NOL4L: variants seen among roughly 807,000 people sequenced by gnomAD.
NOL4L encodes the protein nucleolar protein 4-like.
Under a neutral mutation model 64.5 loss-of-function variants are expected in NOL4L, and 7 were observed. The ratio of observed to expected loss-of-function variants is 0.11; its 90% CI spans 0.06 to 0.20. The LOEUF (loss-of-function observed/expected upper bound fraction) is 0.20. Ranked by LOEUF, NOL4L falls within the 10% of genes least tolerant of loss-of-function variation. The pLI is 1.00. For missense variants in NOL4L, 680 were observed against 967.1 expected, an observed-to-expected ratio of 0.70 and a Z score of 3.94; for synonymous variants, 413 against 401.0, an observed-to-expected ratio of 1.03 and a Z score of -0.36.
At chr20:32,548,686 T>A in intron 1 of NOL4L, 1 of 325,434 alleles carries the variant, frequency 3.1e-6, no homozygotes, top group Non-Finnish European at 6.1e-6. Flanking sequence ...GCAGTCTGTA[T>A]CATCTCCAAA....
At chr20:32,498,321 G>A (rs1048944947) in intron 4 of NOL4L, among the ~76,000 whole-genome samples, 1 of 151,798 alleles carries the variant, frequency 6.6e-6, no homozygotes, top group Non-Finnish European at 1.5e-5. Flanking sequence ...TTTCTAGAAA[G>A]CACCCCAGGA....
intron 4 of NOL4L, among the ~76,000 whole-genome samples, chr20:32,479,911 T>G (rs1011653252): frequency 6.6e-6 from 1 of 152,186 alleles, no homozygotes; most frequent in African/African-American, 2.4e-5. Flanking sequence ...GCTCTTATCT[T>G]CAGTCCAAAA....
At chr20:32,507,348 C>A (rs1344310710) in intron 4 of NOL4L, among the ~76,000 whole-genome samples, 1 of 152,184 alleles carries the variant, frequency 6.6e-6, no homozygotes, top group Non-Finnish European at 1.5e-5. Flanking sequence ...TGGAGTCTAA[C>A]CCCCATAGCG....
At chr20:32,579,682 G>T (rs1452457009) in intron 1 of NOL4L, among the ~76,000 whole-genome samples, 2 of 152,104 alleles carry the variant, frequency 1.3e-5, no homozygotes, top group Non-Finnish European at 2.9e-5. Context: ...TAGAGGGGAG[G>T]CCCCAGGAAG....
chr20:32,558,000 C>T (rs1235903863), intron 1 of NOL4L, among the ~76,000 whole-genome samples: 2 of 152,326 alleles, frequency 1.3e-5, no homozygotes, highest in East Asian at 3.9e-4. Flanking sequence ...CTGCAGTGAG[C>T]TGTGATCATG....
At chr20:32,507,088 A>T (rs2017169239) in intron 4 of NOL4L, among the ~76,000 whole-genome samples, 1 of 152,204 alleles carries the variant, frequency 6.6e-6, no homozygotes, top group African/African-American at 2.4e-5. Context: ...TGGGAGAAGG[A>T]GCACAGTTGT....
intron 3 of NOL4L, among the ~76,000 whole-genome samples, chr20:32,520,499 G>A (rs961491056): frequency 1.3e-5 from 2 of 152,194 alleles, no homozygotes; most frequent in Non-Finnish European, 2.9e-5. Flanking sequence ...TGAGAACGGG[G>A]CAGGCTGGCC....
intron 1 of NOL4L, among the ~76,000 whole-genome samples, chr20:32,545,487 G>A (rs1190192570): frequency 1.3e-4 from 20 of 152,310 alleles, no homozygotes; most frequent in Admixed American, 1.2e-3. Context: ...GCAAGTGTGT[G>A]TCTAGGGCCC....
chr20:32,572,491 T>C (rs956554015), intron 1 of NOL4L: 3 of 152,210 alleles, frequency 2.0e-5, no homozygotes, highest in African/African-American at 7.2e-5. Flanking sequence ...TGGAAGAAGT[T>C]AAGATGGATC....
intron 4 of NOL4L, among the ~76,000 whole-genome samples, chr20:32,482,267 G>A (rs749585776): frequency 1.3e-5 from 2 of 152,124 alleles, no homozygotes; most frequent in Non-Finnish European, 2.9e-5. Context: ...GGAGAGGGGA[G>A]GGAGTAGGGA....
intron 4 of NOL4L, among the ~76,000 whole-genome samples, chr20:32,476,371 G>C (rs1046830952): frequency 6.6e-5 from 10 of 152,170 alleles, no homozygotes; most frequent in African/African-American, 2.2e-4. Flanking sequence ...CTTGAGCAAG[G>C]CTGCAAGGTG....
chr20:32,568,533 C>T (rs762319148), intron 1 of NOL4L, among the ~76,000 whole-genome samples: 37 of 152,182 alleles, frequency 2.4e-4, no homozygotes, highest in Non-Finnish European at 4.6e-4. Context: ...TAAACACCTC[C>T]CTCCCCATGT....
chr20:32,528,114 C>G (rs1338127824), intron 1 of NOL4L, among the ~76,000 whole-genome samples: 6 of 152,174 alleles, frequency 3.9e-5, no homozygotes, highest in Admixed American at 1.3e-4. Context: ...AATCTACCAG[C>G]AACAATGGGC....
intron 4 of NOL4L, among the ~76,000 whole-genome samples, chr20:32,495,227 C>G (rs1460169885): frequency 6.6e-6 from 1 of 152,258 alleles, no homozygotes; most frequent in Admixed American, 6.5e-5. Context: ...AGAACATCTT[C>G]TGTTTCTATC....
chr20:32,557,305 C>G (rs1173330969), intron 1 of NOL4L, among the ~76,000 whole-genome samples: 1 of 152,236 alleles, frequency 6.6e-6, no homozygotes, highest in Non-Finnish European at 1.5e-5. Context: ...GCCTCCTTAT[C>G]ACTTGCATTG....
intron 1 of NOL4L, among the ~76,000 whole-genome samples, chr20:32,577,838 G>A (rs995882097): frequency 6.6e-6 from 1 of 152,080 alleles, no homozygotes; most frequent in East Asian, 1.9e-4. Context: ...TGGGTGCCTC[G>A]TCTCCACTGT....
intron 4 of NOL4L, among the ~76,000 whole-genome samples, chr20:32,488,968 T>C (rs964272520): frequency 4.2e-5 from 6 of 143,890 alleles, no homozygotes; most frequent in Non-Finnish European, 9.1e-5. Flanking sequence ...TGTTGGTCTT[T>C]TTTTTTTTTT....
chr20:32,491,905 C>G (rs1167514289), intron 4 of NOL4L, among the ~76,000 whole-genome samples: 4 of 152,098 alleles, frequency 2.6e-5, no homozygotes, highest in Non-Finnish European at 4.4e-5. Flanking sequence ...CACTTGAAGT[C>G]TGGAGTTCGA....
At chr20:32,552,285 A>C (rs188163846) in intron 1 of NOL4L, among the ~76,000 whole-genome samples, 1 of 152,310 alleles carries the variant, frequency 6.6e-6, no homozygotes, top group Non-Finnish European at 1.5e-5. Context: ...AAGAAATAAC[A>C]GTGATTTCGC....
Sources: allele counts gnomAD v4.1 joint callset (sites outside exome capture counted in the v4.1 genomes callset), GRCh38; gene constraint gnomAD v4.1.1; transcripts MANE v1.5; gene names NCBI Gene and HGNC (gene_info 2026-07-23, HGNC 2026-07-21).